The following RASL12 variants were observed in gnomAD, a reference collection of about 807,000 sequenced individuals.
RASL12 encodes ras-like protein family member 12.
RASL12 carries 16 observed loss-of-function variants against 22.9 expected under a neutral mutation model. That is an observed-to-expected ratio of 0.70 (90% CI 0.47 to 1.06). The LOEUF is 1.06. Ranked by LOEUF, RASL12 falls within the 50% of genes least tolerant of loss-of-function variation. The pLI is 0.00. For synonymous variants in RASL12, 159 were observed against 152.2 expected (o/e 1.04, Z -0.33); for missense variants, 306 against 353.1 (o/e 0.87, Z 1.07).
rs1595905186 is a variant in RASL12 at position 65,058,602 on chromosome 15, A to G, written c.250T>C (p.Cys84Arg). Residue 84 changes from cysteine (C) to arginine (R), a missense_variant, in exon 4 of 5, where the codon TGC (cysteine) becomes CGC (arginine). Cys to Arg is a radical substitution (Grantham distance 180). Coordinates refer to ENST00000220062, the MANE Select transcript of RASL12 (RefSeq NM_016563.4). Reference protein sequence around the residue: ...DTADLDTPRNCERYLNWAHAF... With the variant: ...DTADLDTPRNRERYLNWAHAF... Reference sequence around the variant, plus strand: ...TGGGCCCAGTTCAGGTAGCGCTCGCAGTTCCTGGGGGTGTCCTGGGGTGAA... The same window carrying G: ...TGGGCCCAGTTCAGGTAGCGCTCGCGGTTCCTGGGGGTGTCCTGGGGTGAA... 1.3e-6 allele frequency: 2 copies of G among 1,572,704 alleles called. No individual in the cohort carries two copies.
chr15:65,047,775 TAGAC>T, the RASL12 span, among the ~76,000 whole-genome samples: 47 of 145,226 alleles, frequency 3.2e-4, no homozygotes, highest in African/African-American at 7.7e-4. Context: ...GATAGATAGA[TAGAC>T]AGATAGATCG....
chr15:65,059,508 G>A (rs1324925520), intron 2 of RASL12, 90 bp from the exon 3 acceptor site: 37 of 1,012,916 alleles, frequency 3.7e-5, no homozygotes, highest in Non-Finnish European at 4.6e-6. Flanking sequence ...GTGGCCTGGG[G>A]GGACCTTAGC....
chr15:65,055,876 A>G (rs1042366134), intron 4 of RASL12, among the ~76,000 whole-genome samples: 7 of 152,146 alleles, frequency 4.6e-5, no homozygotes, highest in Admixed American at 2.6e-4. Flanking sequence ...GCTCATCATA[A>G]AAGCAAATAA....
Position 65,067,843 on chromosome 15 carries a change from C to T in RASL12, c.-8G>A, listed in dbSNP as rs531535407. 9.2e-6 allele frequency: 14 copies of T among 1,514,250 alleles called. No homozygotes were observed. In the South Asian group the frequency reaches 1.8e-4, roughly 19 times the overall value. 93.8% of individuals were successfully genotyped at this position (1,514,250 alleles called of 1,614,324 possible). A position where few individuals can be genotyped will look rare whatever the true frequency, so the allele number is the denominator to read the frequency against. ...TCCAAACACCGAGGACATGGCGACGCCCTGGACGGCCACGCAGGTCTGCGG... is the reference window on the plus strand; with the variant it reads ...TCCAAACACCGAGGACATGGCGACGTCCTGGACGGCCACGCAGGTCTGCGG... On this transcript the variant is annotated 5_prime_UTR_variant, in exon 1 of 5. Transcript: ENST00000220062.
chr15:65,064,191 A>C (rs1408411413), intron 2 of RASL12, among the ~76,000 whole-genome samples: 1 of 152,246 alleles, frequency 6.6e-6, no homozygotes, highest in African/African-American at 2.4e-5. Flanking sequence ...AATCCATTTG[A>C]GGAGGAAGGA....
chr15:65,065,512 A>G (rs2086865799), intron 1 of RASL12, among the ~76,000 whole-genome samples: 1 of 152,140 alleles, frequency 6.6e-6, no homozygotes, highest in South Asian at 2.1e-4. Flanking sequence ...TGGCAAGGAA[A>G]GCAATGAGTG....
Position 65,067,800 on chromosome 15 carries a change from G to C in RASL12, c.36C>G (p.Ser12Arg). 2.5e-6 allele frequency: 4 copies of C among 1,576,482 alleles called. No homozygotes were observed. The highest frequency in any genetic ancestry group is 3.4e-6 in the Non-Finnish European group (4 of 1,164,816). Residue 12 changes from serine (S) to arginine (R), a missense_variant, in exon 1 of 5, where the codon AGC (serine) becomes AGG (arginine). By Grantham distance (110) the Ser-to-Arg change is moderately radical. Transcript: ENST00000220062. ...SSVFGKPRAGSGPQSAPLEVN... is the reference protein window; with the variant it reads ...SSVFGKPRAGRGPQSAPLEVN... ...CCTCGAGGGGCGCGCTCTGAGGCCCGCTGCCCGCGCGGGGTTTTCCAAACA... is the reference window on the plus strand; with the variant it reads ...CCTCGAGGGGCGCGCTCTGAGGCCCCCTGCCCGCGCGGGGTTTTCCAAACA...
the RASL12 span, among the ~76,000 whole-genome samples, chr15:65,048,157 G>T: frequency 6.6e-6 from 1 of 151,222 alleles, no homozygotes; most frequent in Non-Finnish European, 1.5e-5. Context: ...CTCCAGCCTG[G>T]GCGACAGAGC....
rs778834026 is a variant in RASL12 at position 65,058,465 on chromosome 15, G to A, written c.387C>T (p.Ala129=). 1.9e-6 allele frequency: 3 copies of A among 1,596,942 alleles called. No individual in the cohort carries two copies. Among genetic ancestry groups the A allele is most frequent in the South Asian group, 2.2e-5 (2 of 88,994 alleles). ...TGTCCAGCTTGTTGCCCAGCAGCAG[G>A]GCAGGGATGCTGCGCTGTGTCTCCT... ...HAKETQRSIP[A]LLLGNKLDMA... is the part of the protein sequence containing the mutation. The change falls in exon 4 of 5, where the codon GCC becomes GCT. Residue 129 remains alanine, a synonymous_variant. Coordinates refer to ENST00000220062, the MANE Select transcript of RASL12 (RefSeq NM_016563.4).
chr15:65,072,655 GT>G (rs2086939904), upstream of RASL12, among the ~76,000 whole-genome samples: 2 of 152,170 alleles, frequency 1.3e-5, no homozygotes, highest in South Asian at 4.1e-4. Context: ...TGGACCCATA[GT>G]TTTAGCTGGT....
At chr15:65,058,740 C>T (rs1056188380) in intron 3 of RASL12, 123 bp from the exon 4 acceptor site, 1 of 711,008 alleles carries the variant, frequency 1.4e-6, no homozygotes, top group Non-Finnish European at 2.2e-6. Context: ...CAGCAGAGCC[C>T]TTTCAAAGGG....
chr15:65,075,077 A>G (rs1000048869), intron 1 of RASL12, among the ~76,000 whole-genome samples: 3 of 152,174 alleles, frequency 2.0e-5, no homozygotes, highest in Non-Finnish European at 4.4e-5. Flanking sequence ...GGCCAGCTGG[A>G]GTTCCAGGTG....
At chr15:65,049,154 A>C (rs947654966), downstream of RASL12, 2 of 152,002 alleles carry the variant, frequency 1.3e-5, no homozygotes, top group African/African-American at 4.8e-5. Flanking sequence ...GTAATAATGC[A>C]GTTAGTACAA....
rs751239503 is a variant in RASL12, at chr15:65,055,074, G to A, written c.626C>T (p.Pro209Leu). 2.5e-5 allele frequency: 41 copies of A among 1,612,130 alleles called. No homozygotes were observed. The African/African-American group carries it at 3.1e-4, about 12-fold the overall frequency. The change falls in exon 5 of 5, where the codon CCG becomes CTG. Residue 209 changes from proline (P) to leucine (L), a missense_variant. Physicochemically the swap from Pro to Leu is moderately conservative, Grantham distance 98. Transcript: ENST00000220062. ...SEERALPHQA[P>L]LTARHGLASC... ...GGCCAGCCCATGCCGCGCGGTGAGC[G>A]GGGCCTGGTGGGGCAGGGCCCTCTC...
chr15:65,067,964 G>A lies in RASL12; in HGVS notation c.-129C>T. 2.5e-6 allele frequency: 3 copies of A among 1,184,016 alleles called. No homozygotes were observed. Among genetic ancestry groups the A allele is most frequent in the South Asian group, 4.3e-5 (1 of 23,200 alleles). 73.3% of individuals were successfully genotyped at this position (1,184,016 alleles called of 1,614,324 possible). On this transcript the variant is annotated 5_prime_UTR_variant, in exon 1 of 5. Transcript: ENST00000220062. ...CGCGGCCCCGGACCCGTCGGCGTCC[G>A]CGCCCTCGGCCCCGCGTCCAGCGGG... is the stretch of plus-strand genomic sequence containing the variant.
rs190780240 is a variant in RASL12, at chr15:65,054,294, G to A, written c.*605C>T. On this transcript the variant is annotated 3_prime_UTR_variant, in exon 5 of 5. Transcript: ENST00000220062. Reference sequence around the variant, plus strand: ...ATCCTCATTGAGACGCCAAGTGTTGGAAATACCCCTTCCTGGGGCTTCTGT... The same window carrying A: ...ATCCTCATTGAGACGCCAAGTGTTGAAAATACCCCTTCCTGGGGCTTCTGT... 3.0e-4 allele frequency: 295 copies of A among 985,908 alleles called. No homozygotes were observed. Among genetic ancestry groups the A allele is most frequent in the Non-Finnish European group, 3.5e-4 (290 of 830,146 alleles). 61.1% of individuals were successfully genotyped at this position (985,908 alleles called of 1,614,324 possible).
At chr15:65,048,299 T>C in the RASL12 span, among the ~76,000 whole-genome samples, 3 of 152,388 alleles carry the variant, frequency 2.0e-5, no homozygotes, top group South Asian at 2.1e-4. Flanking sequence ...GTCAGTATTG[T>C]ATTTGTGTCA....
chr15:65,048,710 A>T (rs1487656027), downstream of RASL12, among the ~76,000 whole-genome samples: 5 of 152,076 alleles, frequency 3.3e-5, no homozygotes, highest in East Asian at 7.7e-4. Context: ...GTGTCCTTTT[A>T]AAAAAATGTG....
the RASL12 span, among the ~76,000 whole-genome samples, chr15:65,048,304 G>T: frequency 6.6e-6 from 1 of 151,952 alleles, no homozygotes; most frequent in African/African-American, 2.4e-5. Context: ...TATTGTATTT[G>T]TGTCAAAATA....
Sources: gnomAD v4.1 joint callset for allele counts (sites outside exome capture counted in the v4.1 genomes callset) on GRCh38, gnomAD v4.1.1 for gene constraint, MANE v1.5 for transcripts, NCBI Gene and HGNC (gene_info 2026-07-23, HGNC 2026-07-21) for gene names.